GAREM1: variants seen among roughly 807,000 people sequenced by gnomAD.
GAREM1 encodes the protein GRB2-associated and regulator of MAPK protein 1.
Under a neutral mutation model 71.3 loss-of-function variants are expected in GAREM1, and 26 were observed. The observed-to-expected ratio is 0.36, with a 90% CI of 0.27 to 0.51. The LOEUF (loss-of-function observed/expected upper bound fraction) is 0.51. Ranked by LOEUF, GAREM1 falls within the 20% of genes least tolerant of loss-of-function variation. The pLI is 0.95. For synonymous variants in GAREM1, 440 were observed against 433.2 expected, an observed-to-expected ratio of 1.02 and a Z score of -0.20; for missense variants, 1,026 against 1,103.1, an observed-to-expected ratio of 0.93 and a Z score of 0.99.
At chr18:32,275,641 G>A (rs1184376899) in intron 4 of GAREM1, among the ~76,000 whole-genome samples, 1 of 152,130 alleles carries the variant, frequency 6.6e-6, no homozygotes, top group Non-Finnish European at 1.5e-5. Flanking sequence ...CTGCCCCACC[G>A]CTAGCATACT....
Position 32,437,653 on chromosome 18 carries a change from G to A in GAREM1, c.121+32655C>T, listed in dbSNP as rs147243590. 2.7e-3 allele frequency among the ~76,000 whole-genome samples: 418 copies of A among 152,114 alleles called. 2 individuals carry two copies. Among genetic ancestry groups the A allele is most frequent in the African/African-American group, 9.8e-3 (405 of 41,488 alleles). ...CTGATTACCCCGAGAAAGTCAAGGT[G>A]GTTCCACCTCTGAATGCGGAGACAG... On this transcript the variant is annotated intron_variant, in intron 1 of 5. Coordinates refer to ENST00000269209, the MANE Select transcript of GAREM1 (RefSeq NM_001242409.2).
chr18:32,319,807 G>A (rs1487454579), intron 2 of GAREM1, among the ~76,000 whole-genome samples: 2 of 152,188 alleles, frequency 1.3e-5, no homozygotes, highest in Non-Finnish European at 2.9e-5. Context: ...GTTGCATTCT[G>A]TACAGTTATT....
At chr18:32,306,924 C>T (rs1427318087) in intron 3 of GAREM1, among the ~76,000 whole-genome samples, 2 of 152,286 alleles carry the variant, frequency 1.3e-5, no homozygotes, top group African/African-American at 2.4e-5. Flanking sequence ...CGCAGTTAAT[C>T]GATGGGGCCA....
intron 2 of GAREM1, among the ~76,000 whole-genome samples, chr18:32,325,001 G>A (rs1471381050): frequency 6.6e-6 from 1 of 152,212 alleles, no homozygotes; most frequent in East Asian, 1.9e-4. Flanking sequence ...AGCCCAGGCT[G>A]GAGTGCAGTG....
intron 1 of GAREM1, among the ~76,000 whole-genome samples, chr18:32,457,838 C>T (rs141927688): frequency 0.014 from 2,202 of 152,184 alleles, 62 homozygotes; most frequent in African/African-American, 0.05. Flanking sequence ...TACATGTGCC[C>T]TGTTGGTGAT....
intron 2 of GAREM1, among the ~76,000 whole-genome samples, chr18:32,329,439 C>T (rs980788326): frequency 1.3e-5 from 2 of 151,124 alleles, no homozygotes; most frequent in Admixed American, 1.3e-4. Flanking sequence ...TGGGTGTAGT[C>T]GCTCACGCCT....
chr18:32,408,208 A>C (rs2048383881), intron 1 of GAREM1, among the ~76,000 whole-genome samples: 1 of 152,158 alleles, frequency 6.6e-6, no homozygotes, highest in Non-Finnish European at 1.5e-5. Context: ...ACTTTTGCTA[A>C]CTCTAGATTA....
intron 2 of GAREM1, among the ~76,000 whole-genome samples, chr18:32,328,428 T>C (rs976183512): frequency 1.1e-4 from 16 of 152,160 alleles, no homozygotes; most frequent in African/African-American, 3.9e-4. Context: ...AAGTAATAGC[T>C]TCTTTCAGCA....
chr18:32,448,873 T>C (rs1568015452), intron 1 of GAREM1, among the ~76,000 whole-genome samples: 1 of 152,196 alleles, frequency 6.6e-6, no homozygotes, highest in Non-Finnish European at 1.5e-5. Context: ...AAGGTCCAGT[T>C]GAATTCTGCA....
In GAREM1 at chr18:32,266,298, T is replaced by G. The variant is rs760655193; in HGVS notation, c.*1573A>C. ...GGGTCTTGTCTTTCAATTTATTTTT[T>G]TATTTTGGTAGCAGGAAGAGATGGT... On this transcript the variant is annotated 3_prime_UTR_variant, in exon 6 of 6. Coordinates refer to ENST00000269209, the MANE Select transcript of GAREM1 (RefSeq NM_001242409.2). The G allele has an allele frequency of 3.3e-5, 5 of 152,198 alleles. No individual in the cohort carries two copies. Among genetic ancestry groups the G allele is most frequent in the Non-Finnish European group, 7.3e-5 (5 of 68,038 alleles). The allele number at this position is 152,198 out of a possible 1,614,324, so 9.4% of individuals were successfully genotyped here.
At chr18:32,350,566 T>C (rs2047739446) in intron 2 of GAREM1, among the ~76,000 whole-genome samples, 1 of 151,082 alleles carries the variant, frequency 6.6e-6, no homozygotes, top group Non-Finnish European at 1.5e-5. Context: ...ATATATGTGA[T>C]CTGATATTGC....
At chr18:32,356,470 T>C (rs1053983097) in intron 2 of GAREM1, among the ~76,000 whole-genome samples, 17 of 152,216 alleles carry the variant, frequency 1.1e-4, no homozygotes, top group Admixed American at 1.1e-3. Flanking sequence ...CCCTCTCCTA[T>C]TTAATGACCC....
intron 1 of GAREM1, among the ~76,000 whole-genome samples, chr18:32,464,847 C>T (rs2048984469): frequency 7.3e-6 from 1 of 137,132 alleles, no homozygotes; most frequent in Non-Finnish European, 1.6e-5. Context: ...AATGTAAGCA[C>T]CACAAAGACA....
chr18:32,451,260 C>T (rs1292056893), intron 1 of GAREM1, among the ~76,000 whole-genome samples: 1 of 150,330 alleles, frequency 6.7e-6, no homozygotes, highest in African/African-American at 2.5e-5. Context: ...CCCCCACCCC[C>T]AAGCTAGCTC....
intron 2 of GAREM1, among the ~76,000 whole-genome samples, chr18:32,384,314 G>C (rs2048125056): frequency 6.6e-6 from 1 of 152,162 alleles, no homozygotes; most frequent in Non-Finnish European, 1.5e-5. Flanking sequence ...AAACGACCCA[G>C]TGAAAGATGA....
chr18:32,411,370 G>A (rs1041631126), intron 1 of GAREM1, among the ~76,000 whole-genome samples: 2 of 152,154 alleles, frequency 1.3e-5, no homozygotes, highest in Non-Finnish European at 2.9e-5. Flanking sequence ...ATCTGACATA[G>A]CTTCCTTTGA....
intron 2 of GAREM1, among the ~76,000 whole-genome samples, chr18:32,340,133 C>T (rs1373979604): frequency 6.6e-6 from 1 of 152,198 alleles, no homozygotes. Flanking sequence ...CCAAACCTGG[C>T]CTTACTCCCA....
intron 2 of GAREM1, among the ~76,000 whole-genome samples, chr18:32,343,307 C>A (rs551321579): frequency 2.7e-5 from 4 of 147,354 alleles, no homozygotes; most frequent in South Asian, 4.2e-4. Context: ...TACTCTCCCC[C>A]ACTGTTTTTT....
chr18:32,307,346 T>C (rs954367062), intron 3 of GAREM1, among the ~76,000 whole-genome samples: 4 of 152,198 alleles, frequency 2.6e-5, no homozygotes, highest in African/African-American at 9.7e-5. Flanking sequence ...GGTGAAATCT[T>C]CTAAGAAGGT....
Sources: gnomAD v4.1 joint callset for allele counts (sites outside exome capture counted in the v4.1 genomes callset) on GRCh38, gnomAD v4.1.1 for gene constraint, MANE v1.5 for transcripts, NCBI Gene and HGNC (gene_info 2026-07-23, HGNC 2026-07-21) for gene names.